ILKAP: variants seen among roughly 807,000 people sequenced by gnomAD.
ILKAP encodes the protein ILK associated serine/threonine phosphatase, also known as integrin-linked kinase-associated serine/threonine phosphatase 2C.
In ILKAP, 11 loss-of-function variants were observed where a neutral mutation model predicts 49.1. The ratio of observed to expected loss-of-function variants is 0.22; its 90% CI spans 0.14 to 0.37. The LOEUF is 0.37. Ranked by LOEUF, ILKAP falls within the 10% of genes least tolerant of loss-of-function variation. The pLI is 1.00. For synonymous variants in ILKAP, 186 were observed against 192.8 expected (o/e 0.96, Z 0.29); for missense variants, 363 against 510.8 (o/e 0.71, Z 2.79).
At chr2:238,187,122 ACATGCCTATGGTCC>A (rs1236193379) in intron 5 of ILKAP, 1 of 152,182 alleles carries the variant, frequency 6.6e-6, no homozygotes, top group African/African-American at 2.4e-5. Context: ...CTGTGGTGGC[ACATGCCTATGGTCC>A]CAGCTACTCA....
At chr2:238,195,172 A>C (rs1379715455) in intron 1 of ILKAP, among the ~76,000 whole-genome samples, 1 of 152,172 alleles carries the variant, frequency 6.6e-6, no homozygotes, top group Non-Finnish European at 1.5e-5. Flanking sequence ...TATTGAAAGC[A>C]TGAAACATTT....
At chr2:238,172,476 C>T (rs980732999) in intron 10 of ILKAP, among the ~76,000 whole-genome samples, 5 of 152,192 alleles carry the variant, frequency 3.3e-5, no homozygotes, top group Non-Finnish European at 7.3e-5. Flanking sequence ...GAGACTCAGA[C>T]CCTCAATAAC....
intron 1 of ILKAP, among the ~76,000 whole-genome samples, chr2:238,197,531 T>C (rs966505960): frequency 1.3e-5 from 2 of 152,216 alleles, no homozygotes; most frequent in Non-Finnish European, 1.5e-5. Context: ...CCACTGCCAC[T>C]GTACAAGGGA....
At chr2:238,182,834 A>G (rs1205547863) in intron 8 of ILKAP, among the ~76,000 whole-genome samples, 2 of 152,218 alleles carry the variant, frequency 1.3e-5, no homozygotes, top group Non-Finnish European at 2.9e-5. Flanking sequence ...CCAGTCTACT[A>G]AAGGGCCACC....
chr2:238,177,766 A>C (rs983357023), intron 9 of ILKAP, among the ~76,000 whole-genome samples: 5 of 152,180 alleles, frequency 3.3e-5, no homozygotes, highest in African/African-American at 9.7e-5. Flanking sequence ...ATGGTGAATA[A>C]TGCTGCTGTG....
At chr2:238,184,873 C>T (rs1284954816) in intron 6 of ILKAP, among the ~76,000 whole-genome samples, 2 of 152,038 alleles carry the variant, frequency 1.3e-5, no homozygotes, top group African/African-American at 4.8e-5. Flanking sequence ...CTGTTTCTTT[C>T]CTCACATATA....
In ILKAP at chr2:238,170,688, G is replaced by C. The variant is rs779124783; in HGVS notation, c.1039-12C>G. On this transcript the variant is annotated splice_polypyrimidine_tract_variant and intron_variant, in intron 11 of 11. Transcript: ENST00000254654. ...TGGATCTTTTCATCCTACCAGATGA[G>C]AAAGGGAATGAGTGAATGGAGTGAC... 2 of 1,593,518 alleles carry C rather than the reference G, an allele frequency of 1.3e-6. No individual in the cohort carries two copies. Among genetic ancestry groups the C allele is most frequent in the East Asian group, 4.5e-5 (2 of 44,438 alleles).
At chr2:238,196,515 T>C (rs930399844) in intron 1 of ILKAP, among the ~76,000 whole-genome samples, 20 of 152,144 alleles carry the variant, frequency 1.3e-4, no homozygotes, top group African/African-American at 4.6e-4. Flanking sequence ...GTATGAGCTA[T>C]TGTGCCAGGC....
At chr2:238,187,435 T>C (rs1693950876) in intron 5 of ILKAP, among the ~76,000 whole-genome samples, 1 of 152,242 alleles carries the variant, frequency 6.6e-6, no homozygotes. Context: ...TATGTAATTC[T>C]GAATTATGTA....
At chr2:238,200,128 T>C (rs186031081) in intron 1 of ILKAP, among the ~76,000 whole-genome samples, 165 of 152,336 alleles carry the variant, frequency 1.1e-3, no homozygotes, top group Admixed American at 1.0e-3. Flanking sequence ...GCTGCCAATC[T>C]TAAAGACATC....
intron 1 of ILKAP, among the ~76,000 whole-genome samples, chr2:238,198,961 A>G (rs939106705): frequency 6.6e-6 from 1 of 152,104 alleles, no homozygotes; most frequent in Admixed American, 6.6e-5. Flanking sequence ...AAAAGGGGGG[A>G]CAGGTTCCGC....
chr2:238,182,022 A>G lies in ILKAP; in HGVS notation c.836+43T>C, dbSNP rs376465428. 65 of 1,608,476 alleles carry G rather than the reference A, an allele frequency of 4.0e-5. 1 individual carries two copies. The South Asian group carries it at 6.8e-4, about 17-fold the overall frequency. Reference sequence around the variant, plus strand: ...AAGGTCTCGGGACCCTTCTACAGCTAACAGCCCTCCTTCCCATGAGCTCCT... The same window carrying G: ...AAGGTCTCGGGACCCTTCTACAGCTGACAGCCCTCCTTCCCATGAGCTCCT... On this transcript the variant is annotated intron_variant, in intron 9 of 11. Coordinates refer to ENST00000254654, the MANE Select transcript of ILKAP (RefSeq NM_030768.3).
At chr2:238,194,993 C>A in intron 1 of ILKAP, 123 bp from the exon 2 acceptor site, 1 of 750,970 alleles carries the variant, frequency 1.3e-6, no homozygotes, top group Non-Finnish European at 2.2e-6. Flanking sequence ...TAATTTTCTC[C>A]TTCCTGTTGG....
At chr2:238,194,584 C>T (rs1694269263) in intron 2 of ILKAP, 2 of 603,612 alleles carry the variant, frequency 3.3e-6, no homozygotes, top group Non-Finnish European at 2.9e-6. Flanking sequence ...TCAAATGAAC[C>T]AGAGAAAACT....
In ILKAP at chr2:238,189,905, G is replaced by A. The variant is rs560620654; in HGVS notation, c.246C>T (p.Ser82=). ...CTTCACTGCCATTCTTCTCTTCCTC[G>A]GAGGTTTTTCTCTTTGCTCCTTTCC... The part of the protein sequence containing the change: ...TEGKGAKRKT[S]EEEKNGSEEL... Residue 82 remains serine (S), a synonymous_variant, in exon 4 of 12, where the codon TCC becomes TCT. Coordinates refer to ENST00000254654, the MANE Select transcript of ILKAP (RefSeq NM_030768.3). The A allele has an allele frequency of 2.1e-5, 34 of 1,613,724 alleles. No homozygotes were observed. Among genetic ancestry groups the A allele is most frequent in the South Asian group, 1.5e-4 (14 of 91,074 alleles).
Position 238,189,976 on chromosome 2 carries a change from G to C in ILKAP, c.179-4C>G. 1 of 1,613,516 alleles carries C rather than the reference G, an allele frequency of 6.2e-7. No homozygotes were observed. The highest frequency in any genetic ancestry group is 8.5e-7 in the Non-Finnish European group (1 of 1,179,786). On this transcript the variant is annotated splice_polypyrimidine_tract_variant and splice_region_variant and intron_variant, in intron 3 of 11. Coordinates refer to ENST00000254654, the MANE Select transcript of ILKAP (RefSeq NM_030768.3). The stretch of plus-strand genomic sequence containing the variant: ...GATATTGATGTGGCAAGAGAACCTG[G>C]AAATAAAGTAAAAGCCAGACAGAAA...
chr2:238,190,652 AAGAGCATTTGTCAC>A (rs1323754972), intron 3 of ILKAP, among the ~76,000 whole-genome samples: 2 of 152,196 alleles, frequency 1.3e-5, no homozygotes, highest in Admixed American at 1.3e-4. Flanking sequence ...GACAAGTAGG[AAGAGCATTTGTCAC>A]AGTGCCTAAC....
rs1357117350 is a variant in ILKAP, at chr2:238,172,504, GACT to G, written c.956+1027_956+1029del. On this transcript the variant is annotated intron_variant, in intron 10 of 11. Transcript: ENST00000254654. ...TCAATAACCAATCACACAGACCCAT[GACT>G]ACAACCCAGGAAGGCGAGCTAGGAA... Among the ~76,000 whole-genome samples the G allele has an allele frequency of 3.9e-5, 6 of 152,320 alleles. No homozygotes were observed. In the East Asian group the frequency reaches 1.2e-3, roughly 29 times the overall value.
intron 8 of ILKAP, 46 bp from the exon 9 acceptor site, chr2:238,182,232 G>A (rs2106331375): frequency 6.2e-7 from 1 of 1,605,090 alleles, no homozygotes; most frequent in African/African-American, 1.3e-5. Flanking sequence ...AGTGGGCGCA[G>A]CATCTAAAGG....
Sources: gnomAD v4.1 joint callset for allele counts (sites outside exome capture counted in the v4.1 genomes callset) on GRCh38, gnomAD v4.1.1 for gene constraint, MANE v1.5 for transcripts, NCBI Gene and HGNC (gene_info 2026-07-23, HGNC 2026-07-21) for gene names.